GLT1D1: variants seen among roughly 807,000 people sequenced by gnomAD.
GLT1D1 encodes glycosyltransferase 1 domain-containing protein 1.
A neutral mutation model predicts 28.7 loss-of-function variants in GLT1D1; 21 were observed. That is an observed-to-expected ratio of 0.73 (90% CI 0.52 to 1.05). The LOEUF (loss-of-function observed/expected upper bound fraction) is 1.05. Among genes scored for constraint, GLT1D1 ranks in the 50% least tolerant of loss-of-function variants. GLT1D1 has a pLI of 0.00. For missense variants in GLT1D1, 343 were observed against 330.6 expected, an observed-to-expected ratio of 1.04 and a Z score of -0.29; for synonymous variants, 147 against 124.8, an observed-to-expected ratio of 1.18 and a Z score of -1.19.
intron 4 of GLT1D1, among the ~76,000 whole-genome samples, chr12:128,906,008 CTT>C (rs77388310): frequency 0.05 from 7,350 of 146,054 alleles, 563 homozygotes; most frequent in African/African-American, 0.17. Flanking sequence ...GAAATTTTGA[CTT>C]TTTTTTTTTT....
At chr12:128,866,317 C>T (rs916694817) in intron 1 of GLT1D1, among the ~76,000 whole-genome samples, 1 of 151,712 alleles carries the variant, frequency 6.6e-6, no homozygotes, top group African/African-American at 2.4e-5. Context: ...GATCCACCCG[C>T]CTCAGTCTCC....
At chr12:128,982,812 G>A (rs1880467899) in intron 7 of GLT1D1, 117 bp from the exon 12 acceptor site, 1 of 822,340 alleles carries the variant, frequency 1.2e-6, no homozygotes. Flanking sequence ...CTCTCTCCAG[G>A]CCCAGGAGGC....
intron 7 of GLT1D1, among the ~76,000 whole-genome samples, chr12:128,972,436 C>T (rs1879275163): frequency 6.6e-6 from 1 of 152,220 alleles, no homozygotes. Flanking sequence ...CCAGTTACAT[C>T]ACACCTGCTG....
intron 2 of GLT1D1, among the ~76,000 whole-genome samples, chr12:128,885,434 G>A (rs900868822): frequency 9.2e-5 from 14 of 152,262 alleles, no homozygotes; most frequent in African/African-American, 3.1e-4. Flanking sequence ...TGTTAGCCAG[G>A]CTGGTCTCAA....
intron 6 of GLT1D1, among the ~76,000 whole-genome samples, chr12:128,955,551 C>T (rs1421014051): frequency 1.3e-5 from 2 of 150,544 alleles, no homozygotes; most frequent in Non-Finnish European, 2.9e-5. Context: ...ATCCACACAC[C>T]ATTCATGCAT....
intron 2 of GLT1D1, among the ~76,000 whole-genome samples, chr12:128,883,075 C>T (rs1387838751): frequency 5.3e-5 from 8 of 151,404 alleles, no homozygotes; most frequent in East Asian, 2.0e-4. Flanking sequence ...TACGAGCACG[C>T]GCCACCACGC....
At chr12:128,902,495 A>G (rs1044802919) in intron 4 of GLT1D1, among the ~76,000 whole-genome samples, 4 of 150,944 alleles carry the variant, frequency 2.6e-5, no homozygotes, top group African/African-American at 9.8e-5. Flanking sequence ...TCAAAAAAAA[A>G]AAAAAGAAAG....
chr12:128,945,315 T>A lies in GLT1D1; in HGVS notation c.376-11T>A. 6.2e-7 allele frequency: 1 copy of A among 1,614,022 alleles called. No homozygotes were observed. Among genetic ancestry groups the A allele is most frequent in the Non-Finnish European group, 8.5e-7 (1 of 1,179,866 alleles). ...CGGCGACCGCTGACATTTATCTTTG[T>A]CTCTTTTCAGGTCGATCCAGTGTTT... On this transcript the variant is annotated splice_polypyrimidine_tract_variant and intron_variant, in intron 4 of 7. Transcript: ENST00000281703.
At chr12:128,981,540 A>G (rs1880317512) in intron 7 of GLT1D1, among the ~76,000 whole-genome samples, 2 of 152,384 alleles carry the variant, frequency 1.3e-5, no homozygotes, top group Non-Finnish European at 2.9e-5. Flanking sequence ...TAATCTATAA[A>G]CATATAATTC....
intron 6 of GLT1D1, among the ~76,000 whole-genome samples, chr12:128,955,184 A>G (rs1426651237): frequency 1.3e-5 from 2 of 152,172 alleles, no homozygotes; most frequent in African/African-American, 2.4e-5. Flanking sequence ...TTATCTGTTT[A>G]CTTTTAAAAA....
chr12:128,949,433 A>G (rs1251811132), intron 6 of GLT1D1, among the ~76,000 whole-genome samples: 1 of 152,200 alleles, frequency 6.6e-6, no homozygotes, highest in Non-Finnish European at 1.5e-5. Context: ...TTAGAATTCA[A>G]TTCAGATAGC....
In GLT1D1 at chr12:128,973,639, C is replaced by T. The variant is rs1026411939; in HGVS notation, c.640-9290C>T. Among the ~76,000 whole-genome samples the T allele has an allele frequency of 3.3e-5, 5 of 152,042 alleles. No homozygotes were observed. The South Asian group carries it at 8.3e-4, about 25-fold the overall frequency. On this transcript the variant is annotated intron_variant, in intron 7 of 7. Transcript: ENST00000281703. ...CAAGCCCAGAGGAAGGTCTCCCGGT[C>T]CCCCTCTTCCCTCCCTTTTCTGCCT...
rs1229283986 is a variant in GLT1D1 at position 128,950,009 on chromosome 12, C to A, written c.540+2551C>A. ...AGTGGGATGTGAAGGCATTCAAAGG[C>A]AGCTGCGACTCTGTGTCACTTTAAC... On this transcript the variant is annotated intron_variant, in intron 6 of 7. Transcript: ENST00000281703. Among the ~76,000 whole-genome samples, 3 of 152,250 alleles carry A rather than the reference C, an allele frequency of 2.0e-5. No homozygotes were observed. The East Asian group carries it at 5.8e-4, about 29-fold the overall frequency.
In GLT1D1 at chr12:128,944,977, T is replaced by TCA. The variant is rs1875840670; in HGVS notation, c.376-349_376-348insCA. 5.3e-6 allele frequency: 3 copies of TCA among 566,138 alleles called. No homozygotes were observed. In the East Asian group the frequency reaches 8.7e-5, roughly 16 times the overall value. 35.1% of individuals were successfully genotyped at this position (566,138 alleles called of 1,614,324 possible). ...CCGACCCCCAACAGGCCCCGGTGTG[T>TCA]GATGTTCCCCTCCCTGTGTCCATGT... On this transcript the variant is annotated intron_variant, in intron 4 of 7. Transcript: ENST00000281703.
At chr12:128,903,399 G>C (rs1361230939) in intron 4 of GLT1D1, among the ~76,000 whole-genome samples, 1 of 151,598 alleles carries the variant, frequency 6.6e-6, no homozygotes, top group African/African-American at 2.4e-5. Context: ...CCTTCCCATT[G>C]ACCAAAGCAA....
chr12:128,893,431 A>G (rs1440975973), intron 3 of GLT1D1, among the ~76,000 whole-genome samples: 3 of 152,208 alleles, frequency 2.0e-5, no homozygotes, highest in Non-Finnish European at 4.4e-5. Context: ...CATAAGTTTT[A>G]AGCTATAGAT....
At chr12:128,914,304 C>A (rs1273208943) in intron 4 of GLT1D1, among the ~76,000 whole-genome samples, 3 of 151,958 alleles carry the variant, frequency 2.0e-5, no homozygotes, top group Admixed American at 6.6e-5. Flanking sequence ...GTTTTTGAAA[C>A]CTGTTACTTC....
intron 2 of GLT1D1, among the ~76,000 whole-genome samples, chr12:128,879,015 C>T (rs377075975): frequency 2.0e-5 from 3 of 152,196 alleles, no homozygotes; most frequent in South Asian, 2.1e-4. Flanking sequence ...AGATGAAGTT[C>T]GGAATCCCTG....
In GLT1D1 at chr12:128,984,132, G is replaced by A. The variant is rs913348904; in HGVS notation, c.*1042G>A. ...ATTCCTTACGACAATGGGGAACGCG[G>A]TGTTTCCCACCTCTTGTGGGTAGAA... is the stretch of plus-strand genomic sequence containing the variant. On this transcript the variant is annotated 3_prime_UTR_variant, in exon 8 of 8. Transcript: ENST00000281703. 6.6e-6 allele frequency: 1 copy of A among 152,272 alleles called. No homozygotes were observed. The highest frequency in any genetic ancestry group is 2.4e-5 in the African/African-American group (1 of 41,464). The allele number at this position is 152,272 out of a possible 1,614,324, so 9.4% of individuals were successfully genotyped here. A position where few individuals can be genotyped will look rare whatever the true frequency, so the allele number is the denominator to read the frequency against.
Sources: allele counts gnomAD v4.1 joint callset (sites outside exome capture counted in the v4.1 genomes callset), GRCh38; gene constraint gnomAD v4.1.1; transcripts MANE v1.5; gene names NCBI Gene and HGNC (gene_info 2026-07-23, HGNC 2026-07-21).